Variants in ZFHX3 observed in about 807,000 individuals in gnomAD.
ZFHX3 encodes zinc finger homeobox protein 3.
ZFHX3 carries 42 observed loss-of-function variants against 279.1 expected under a neutral mutation model. The observed-to-expected ratio is 0.15, with a 90% CI of 0.12 to 0.19. The LOEUF is 0.19. Among genes scored for constraint, ZFHX3 ranks in the 10% least tolerant of loss-of-function variants. The probability of loss-of-function intolerance (pLI) is 1.00; values close to 1 mark genes in which losing one functional copy is unlikely to be tolerated. For missense variants in ZFHX3, 4,981 were observed against 4,754.0 expected (o/e 1.05, Z -1.40); for synonymous variants, 2,293 against 1,957.8 (o/e 1.17, Z -4.52).
chr16:73,247,017 C>T (rs1020658309), intron 5 of ZFHX3, among the ~76,000 whole-genome samples: 241 of 152,106 alleles, frequency 1.6e-3, no homozygotes, highest in African/African-American at 5.4e-3. Context: ...TGCCTATATG[C>T]GTGTGTGTAT....
intron 4 of ZFHX3, among the ~76,000 whole-genome samples, chr16:73,262,259 T>C (rs1370946951): frequency 6.6e-6 from 1 of 152,216 alleles, no homozygotes; most frequent in African/African-American, 2.4e-5. Context: ...AAGAAAAACC[T>C]TTTAAAAGCA....
intron 2 of ZFHX3, chr16:73,558,446 A>G (rs1016317254): frequency 2.6e-5 from 4 of 152,234 alleles, no homozygotes; most frequent in African/African-American, 9.7e-5. Context: ...GCTTTGCCTT[A>G]TCAAATGGTA....
chr16:73,279,442 T>A (rs2014402145), intron 4 of ZFHX3, among the ~76,000 whole-genome samples: 1 of 152,096 alleles, frequency 6.6e-6, no homozygotes, highest in South Asian at 2.1e-4. Context: ...AAGAATGAGC[T>A]CATATTCAAG....
At chr16:73,182,475 C>A (rs907375619) in intron 5 of ZFHX3, among the ~76,000 whole-genome samples, 18 of 152,086 alleles carry the variant, frequency 1.2e-4, no homozygotes, top group Admixed American at 4.6e-4. Context: ...ACAAAAAAAA[C>A]AGTATGGAGA....
In ZFHX3 at chr16:73,721,606, C is replaced by A. The variant is rs2053474412; in HGVS notation, c.-1607-41366G>T. Among the ~76,000 whole-genome samples the A allele has an allele frequency of 1.3e-5, 2 of 152,210 alleles. 1 individual carries two copies. Among genetic ancestry groups the A allele is most frequent in the South Asian group, 4.1e-4 (2 of 4,832 alleles). On this transcript the variant is annotated intron_variant, in intron 1 of 17. Transcript: ENST00000641206. ...CCTAACCGGCATGCCCACCCATGCA[C>A]CATCTGCTCTTCAGCAGTCCCAAAG...
intron 1 of ZFHX3, among the ~76,000 whole-genome samples, chr16:72,967,505 T>G (rs1218249851): frequency 6.6e-6 from 1 of 151,712 alleles, no homozygotes; most frequent in African/African-American, 2.4e-5. Context: ...GGGTAGAAAC[T>G]CAACTAATAA....
chr16:73,190,478 A>G (rs1968005735), intron 5 of ZFHX3, among the ~76,000 whole-genome samples: 1 of 152,238 alleles, frequency 6.6e-6, no homozygotes, highest in Non-Finnish European at 1.5e-5. Context: ...TTCCAGCCAT[A>G]AAACAGGGAA....
intron 3 of ZFHX3, among the ~76,000 whole-genome samples, chr16:72,904,791 G>C (rs1176037559): frequency 6.6e-6 from 1 of 152,012 alleles, no homozygotes; most frequent in Non-Finnish European, 1.5e-5. Flanking sequence ...GGGTCCCACA[G>C]CACCAGGTGG....
chr16:73,638,263 G>A (rs973898451), intron 2 of ZFHX3, among the ~76,000 whole-genome samples: 3 of 152,164 alleles, frequency 2.0e-5, no homozygotes, highest in Non-Finnish European at 2.9e-5. Flanking sequence ...ATCGAGGATT[G>A]ATTTGATTTG....
At chr16:73,712,473 T>G (rs1261324492) in intron 1 of ZFHX3, among the ~76,000 whole-genome samples, 1 of 152,200 alleles carries the variant, frequency 6.6e-6, no homozygotes, top group South Asian at 2.1e-4. Flanking sequence ...TTCTCGGGTG[T>G]AATTTTCTCC....
chr16:73,311,762 AT>A (rs2015333902), intron 4 of ZFHX3, among the ~76,000 whole-genome samples: 1 of 152,192 alleles, frequency 6.6e-6, no homozygotes, highest in Non-Finnish European at 1.5e-5. Flanking sequence ...CACCTCAGTG[AT>A]TTGAAACATA....
In ZFHX3 at chr16:73,730,557, A is replaced by T. The variant is rs372533480; in HGVS notation, c.-1607-50317T>A. Among the ~76,000 whole-genome samples, 5 of 152,258 alleles carry T rather than the reference A, an allele frequency of 3.3e-5. No homozygotes were observed. The East Asian group carries it at 7.7e-4, about 24-fold the overall frequency. Reference sequence around the variant, plus strand: ...GGAGAGCGGGCAAGTACCCGGAGACATCTAAATTCCATATGGTTCCCGTCT... The same window carrying T: ...GGAGAGCGGGCAAGTACCCGGAGACTTCTAAATTCCATATGGTTCCCGTCT... On this transcript the variant is annotated intron_variant, in intron 1 of 17. Coordinates refer to the ZFHX3 transcript ENST00000641206.
At chr16:73,166,969 C>G (rs1176055809) in intron 5 of ZFHX3, among the ~76,000 whole-genome samples, 1 of 152,214 alleles carries the variant, frequency 6.6e-6, no homozygotes, top group Non-Finnish European at 1.5e-5. Flanking sequence ...ACAGCATCCT[C>G]CTCATGATTT....
intron 3 of ZFHX3, among the ~76,000 whole-genome samples, chr16:72,949,558 C>A (rs73592709): frequency 0.026 from 3,940 of 152,186 alleles, 80 homozygotes; most frequent in Middle Eastern, 0.085. Flanking sequence ...GCACCTCCCC[C>A]TCGGTTGCCG....
chr16:73,474,973 G>A (rs1368262774), intron 2 of ZFHX3, among the ~76,000 whole-genome samples: 1 of 152,104 alleles, frequency 6.6e-6, no homozygotes, highest in Non-Finnish European at 1.5e-5. Flanking sequence ...CCACCAGAGG[G>A]ACCCTGTATG....
chr16:73,530,719 A>G (rs1291985135), intron 2 of ZFHX3, among the ~76,000 whole-genome samples: 1 of 152,220 alleles, frequency 6.6e-6, no homozygotes, highest in African/African-American at 2.4e-5. Flanking sequence ...TGTCTTTTAT[A>G]CATTTTGCTG....
intron 3 of ZFHX3, among the ~76,000 whole-genome samples, chr16:72,941,597 C>T (rs935266718): frequency 6.6e-5 from 10 of 152,146 alleles, no homozygotes; most frequent in African/African-American, 2.4e-4. Context: ...GGTAGGAGGA[C>T]CACTTGAGCC....
At chr16:73,225,168 C>T (rs938993969) in intron 5 of ZFHX3, among the ~76,000 whole-genome samples, 1 of 152,096 alleles carries the variant, frequency 6.6e-6, no homozygotes, top group African/African-American at 2.4e-5. Context: ...TTTCACATCA[C>T]CATGGGTATG....
chr16:73,426,622 T>C (rs1296391452), intron 3 of ZFHX3, among the ~76,000 whole-genome samples: 1 of 151,970 alleles, frequency 6.6e-6, no homozygotes, highest in East Asian at 1.9e-4. Context: ...CATGCGTACG[T>C]GCACTGATGA....
Sources: gnomAD v4.1 joint callset for allele counts (sites outside exome capture counted in the v4.1 genomes callset) on GRCh38, gnomAD v4.1.1 for gene constraint, MANE v1.5 for transcripts, NCBI Gene and HGNC (gene_info 2026-07-23, HGNC 2026-07-21) for gene names.